The following IGSF21 variants were observed in gnomAD, a reference collection of about 807,000 sequenced individuals.
IGSF21 encodes the protein immunoglobin superfamily member 21.
A neutral mutation model predicts 46.8 loss-of-function variants in IGSF21; 28 were observed. The ratio of observed to expected loss-of-function variants is 0.60; its 90% CI spans 0.44 to 0.82. The LOEUF (loss-of-function observed/expected upper bound fraction) is 0.82. Among genes scored for constraint, IGSF21 ranks in the 40% least tolerant of loss-of-function variants. The probability of loss-of-function intolerance (pLI) is 0.00; values close to 1 mark genes in which losing one functional copy is unlikely to be tolerated. For synonymous variants in IGSF21, 284 were observed against 273.6 expected (o/e 1.04, Z -0.38); for missense variants, 624 against 665.5 (o/e 0.94, Z 0.69).
At chr1:18,276,842 G>A (rs2085107284) in intron 2 of IGSF21, among the ~76,000 whole-genome samples, 1 of 152,158 alleles carries the variant, frequency 6.6e-6, no homozygotes, top group Admixed American at 6.5e-5. Context: ...GGCTCCTGGG[G>A]CCATCGTTTG....
intron 1 of IGSF21, among the ~76,000 whole-genome samples, chr1:18,194,651 C>G (rs2086990814): frequency 6.6e-6 from 1 of 152,192 alleles, no homozygotes; most frequent in African/African-American, 2.4e-5. Context: ...AGGGCTCACC[C>G]TCATCCAGTA....
At chr1:18,183,777 A>T (rs2086877965) in intron 1 of IGSF21, among the ~76,000 whole-genome samples, 1 of 152,076 alleles carries the variant, frequency 6.6e-6, no homozygotes, top group African/African-American at 2.4e-5. Context: ...CAGCTGAGGG[A>T]GCAGCAGCTC....
intron 1 of IGSF21, among the ~76,000 whole-genome samples, chr1:18,225,165 T>TCC (rs2084553359): frequency 6.7e-6 from 1 of 149,534 alleles, no homozygotes; most frequent in Non-Finnish European, 1.5e-5. Context: ...GGTGAGAAGA[T>TCC]CCCTATTCTC....
chr1:18,254,891 C>T (rs1255646675), intron 2 of IGSF21, among the ~76,000 whole-genome samples: 1 of 152,062 alleles, frequency 6.6e-6, no homozygotes, highest in Non-Finnish European at 1.5e-5. Context: ...TCCATCCATC[C>T]CTCCATTCAT....
intron 3 of IGSF21, among the ~76,000 whole-genome samples, chr1:18,333,327 G>GC (rs538049901): frequency 6.9e-4 from 105 of 152,298 alleles, no homozygotes; most frequent in African/African-American, 2.4e-3. Context: ...TTTCCCCAAT[G>GC]CAGCAATGAC....
chr1:18,339,881 T>A (rs1452042187), intron 4 of IGSF21, among the ~76,000 whole-genome samples: 2 of 152,132 alleles, frequency 1.3e-5, no homozygotes, highest in African/African-American at 4.8e-5. Flanking sequence ...CATTTTTGGT[T>A]CTCTCATCCA....
chr1:18,350,293 G>T (rs561729759), intron 4 of IGSF21, among the ~76,000 whole-genome samples: 1 of 152,204 alleles, frequency 6.6e-6, no homozygotes, highest in Non-Finnish European at 1.5e-5. Flanking sequence ...AGGAGTGAGG[G>T]TGGAGAGAGT....
chr1:18,378,250 G>A lies in IGSF21; in HGVS notation c.1334-6G>A. 2.5e-6 allele frequency: 4 copies of A among 1,613,648 alleles called. No homozygotes were observed. The highest frequency in any genetic ancestry group is 3.4e-6 in the Non-Finnish European group (4 of 1,179,690). On this transcript the variant is annotated splice_region_variant and splice_polypyrimidine_tract_variant and intron_variant, in intron 9 of 9. Transcript: ENST00000251296. The stretch of plus-strand genomic sequence containing the variant: ...GCTCTGACCCTTTCCCTGATTCCTG[G>A]CACAGGTTCCATTGGCCCCACTGGT...
intron 3 of IGSF21, among the ~76,000 whole-genome samples, chr1:18,325,456 G>A (rs1420876549): frequency 6.6e-6 from 1 of 152,136 alleles, no homozygotes; most frequent in African/African-American, 2.4e-5. Context: ...GGGCTTGTCT[G>A]ACCAGCAGCA....
chr1:18,152,078 A>G (rs543617932), intron 1 of IGSF21, among the ~76,000 whole-genome samples: 134 of 152,320 alleles, frequency 8.8e-4, no homozygotes, highest in Non-Finnish European at 1.3e-3. Context: ...CTCTGTTGCT[A>G]TATCCTCAGT....
At chr1:18,178,085 C>A (rs917708322) in intron 1 of IGSF21, among the ~76,000 whole-genome samples, 1 of 151,228 alleles carries the variant, frequency 6.6e-6, no homozygotes, top group African/African-American at 2.4e-5. Flanking sequence ...GAAAGGAAGG[C>A]GGGGAAGTGG....
intron 3 of IGSF21, among the ~76,000 whole-genome samples, chr1:18,316,758 C>T (rs1464291710): frequency 6.6e-6 from 1 of 152,178 alleles, no homozygotes; most frequent in Non-Finnish European, 1.5e-5. Context: ...AGTAATAGTA[C>T]ATAATATAGT....
intron 3 of IGSF21, among the ~76,000 whole-genome samples, chr1:18,315,058 C>T (rs1415692714): frequency 1.3e-5 from 2 of 152,014 alleles, no homozygotes; most frequent in Non-Finnish European, 2.9e-5. Context: ...GGGACAAGGG[C>T]CAGGCAGTGC....
chr1:18,312,775 C>A (rs536763362), intron 3 of IGSF21, among the ~76,000 whole-genome samples: 27 of 152,210 alleles, frequency 1.8e-4, no homozygotes, highest in Non-Finnish European at 2.6e-4. Flanking sequence ...GCCCCTTCTG[C>A]CACTAAGGAA....
chr1:18,233,766 G>T (rs1484769982), intron 2 of IGSF21, among the ~76,000 whole-genome samples: 1 of 152,098 alleles, frequency 6.6e-6, no homozygotes, highest in African/African-American at 2.4e-5. Context: ...AGGGATATGG[G>T]CAGAGACAAC....
At chr1:18,125,192 A>C (rs2086265716) in intron 1 of IGSF21, among the ~76,000 whole-genome samples, 2 of 152,182 alleles carry the variant, frequency 1.3e-5, no homozygotes, top group South Asian at 4.2e-4. Context: ...GCCTTTGCAC[A>C]TGTGGTTCGA....
chr1:18,252,723 T>C (rs2084854464), intron 2 of IGSF21, among the ~76,000 whole-genome samples: 1 of 152,158 alleles, frequency 6.6e-6, no homozygotes, highest in African/African-American at 2.4e-5. Flanking sequence ...TGTCTGCTGC[T>C]CTTTTTCCTT....
intron 1 of IGSF21, among the ~76,000 whole-genome samples, chr1:18,214,758 C>T (rs1053138241): frequency 2.6e-5 from 4 of 152,130 alleles, no homozygotes; most frequent in South Asian, 2.1e-4. Flanking sequence ...TTTTTTGAGA[C>T]GGAGTCTTGC....
At chr1:18,333,587 T>C (rs1483413862) in intron 3 of IGSF21, among the ~76,000 whole-genome samples, 2 of 152,196 alleles carry the variant, frequency 1.3e-5, no homozygotes, top group African/African-American at 4.8e-5. Flanking sequence ...CCAGGAGAGA[T>C]GGACTGACTT....
Sources: gnomAD v4.1 joint callset for allele counts (sites outside exome capture counted in the v4.1 genomes callset) on GRCh38, gnomAD v4.1.1 for gene constraint, MANE v1.5 for transcripts, NCBI Gene and HGNC (gene_info 2026-07-23, HGNC 2026-07-21) for gene names.